The following EPC2 variants were observed in gnomAD, a reference collection of about 807,000 sequenced individuals.
The protein encoded by EPC2 is enhancer of polycomb 2, also known as enhancer of polycomb homolog 2.
A neutral mutation model predicts 92.1 loss-of-function variants in EPC2; 14 were observed. The ratio of observed to expected loss-of-function variants is 0.15; its 90% CI spans 0.10 to 0.24. The LOEUF (loss-of-function observed/expected upper bound fraction) is 0.24, where lower values mean the gene tolerates loss of function less well. Among genes scored for constraint, EPC2 ranks in the 10% least tolerant of loss-of-function variants. The pLI, the probability that EPC2 is intolerant of heterozygous loss-of-function variation, is 1.00. For synonymous variants in EPC2, 340 were observed against 334.7 expected (o/e 1.02, Z -0.17); for missense variants, 755 against 971.5 (o/e 0.78, Z 2.96).
chr2:148,655,179 A>G (rs936681993), intron 1 of EPC2, among the ~76,000 whole-genome samples: 2 of 152,192 alleles, frequency 1.3e-5, no homozygotes, highest in Admixed American at 1.3e-4. Context: ...TATTACATCT[A>G]TCTTCTGCCC....
intron 1 of EPC2, among the ~76,000 whole-genome samples, chr2:148,684,703 G>T (rs138506263): frequency 3.9e-4 from 59 of 152,278 alleles, no homozygotes; most frequent in African/African-American, 1.4e-3. Flanking sequence ...TACCATTTCA[G>T]TGAACCCCTA....
In EPC2 at chr2:148,757,330, C is replaced by T. The variant is rs190078539; in HGVS notation, c.666+3197C>T. Among the ~76,000 whole-genome samples, 165 of 152,140 alleles carry T rather than the reference C, an allele frequency of 1.1e-3. 1 individual carries two copies. Among genetic ancestry groups the T allele is most frequent in the African/African-American group, 3.8e-3 (157 of 41,504 alleles). On this transcript the variant is annotated intron_variant, in intron 4 of 13. Transcript: ENST00000258484. The stretch of plus-strand genomic sequence containing the variant: ...GGCGGAGGTTGCAGTGAGCCGAGAT[C>T]GCGCCACTGCACTCCAGCCTGGGTG...
chr2:148,762,166 G>T (rs1219918165), intron 5 of EPC2: 2 of 253,522 alleles, frequency 7.9e-6, no homozygotes, highest in Admixed American at 5.6e-5. Context: ...ACTTAATTTT[G>T]TTTTGGCAGA....
At chr2:148,731,813 A>T (rs979339822) in intron 2 of EPC2, among the ~76,000 whole-genome samples, 4 of 152,236 alleles carry the variant, frequency 2.6e-5, no homozygotes, top group African/African-American at 9.6e-5. Flanking sequence ...TGGAAAGCTT[A>T]AATGTATAAG....
chr2:148,741,390 T>C (rs1682876978), intron 2 of EPC2, among the ~76,000 whole-genome samples: 1 of 152,136 alleles, frequency 6.6e-6, no homozygotes, highest in Non-Finnish European at 1.5e-5. Context: ...TGGTAAAAAT[T>C]TCTTAAGCAA....
chr2:148,650,378 T>C (rs1680655827), intron 1 of EPC2, among the ~76,000 whole-genome samples: 1 of 152,182 alleles, frequency 6.6e-6, no homozygotes, highest in Non-Finnish European at 1.5e-5. Context: ...TATCTAAATA[T>C]TATATCCTCT....
intron 3 of EPC2, among the ~76,000 whole-genome samples, chr2:148,752,508 C>T (rs953877756): frequency 1.3e-5 from 2 of 152,158 alleles, no homozygotes; most frequent in South Asian, 2.1e-4. Flanking sequence ...TTTCCAGACT[C>T]TGGCTATCCA....
intron 1 of EPC2, among the ~76,000 whole-genome samples, chr2:148,654,039 C>G (rs979426998): frequency 6.6e-6 from 1 of 151,422 alleles, no homozygotes; most frequent in Non-Finnish European, 1.5e-5. Context: ...CCTCTGCCTC[C>G]CTGGTTCAAG....
At chr2:148,772,695 T>TAA (rs1683550440) in intron 10 of EPC2, among the ~76,000 whole-genome samples, 1 of 152,184 alleles carries the variant, frequency 6.6e-6, no homozygotes, top group South Asian at 2.1e-4. Flanking sequence ...TCCCATTATA[T>TAA]AAAGTTCATG....
At chr2:148,694,473 A>G (rs1172192350) in intron 2 of EPC2, among the ~76,000 whole-genome samples, 1 of 152,216 alleles carries the variant, frequency 6.6e-6, no homozygotes, top group Non-Finnish European at 1.5e-5. Flanking sequence ...CTAAGATAGT[A>G]AAACACTTCA....
chr2:148,742,828 T>C (rs993189582), intron 2 of EPC2, among the ~76,000 whole-genome samples: 1 of 151,810 alleles, frequency 6.6e-6, no homozygotes, highest in Non-Finnish European at 1.5e-5. Flanking sequence ...TATTCTCTAC[T>C]AAAATACCAA....
chr2:148,716,481 T>A (rs926105840), intron 2 of EPC2, among the ~76,000 whole-genome samples: 4 of 152,210 alleles, frequency 2.6e-5, no homozygotes, highest in African/African-American at 9.6e-5. Flanking sequence ...GTTGAGATAA[T>A]CATGTATTTT....
At chr2:148,689,006 A>G (rs1681587765) in intron 1 of EPC2, among the ~76,000 whole-genome samples, 1 of 152,056 alleles carries the variant, frequency 6.6e-6, no homozygotes, top group Non-Finnish European at 1.5e-5. Flanking sequence ...TTTAGATTAG[A>G]AAAAAAAGTC....
intron 2 of EPC2, among the ~76,000 whole-genome samples, chr2:148,723,506 G>C (rs562516822): frequency 6.6e-6 from 1 of 152,140 alleles, no homozygotes; most frequent in East Asian, 1.9e-4. Flanking sequence ...TTCTGTTCCC[G>C]TAAGTTGTGA....
intron 2 of EPC2, among the ~76,000 whole-genome samples, chr2:148,716,435 G>C (rs1193031591): frequency 6.6e-6 from 1 of 152,164 alleles, no homozygotes; most frequent in Non-Finnish European, 1.5e-5. Flanking sequence ...TAACATGAAG[G>C]GATGTTGAAT....
intron 1 of EPC2, among the ~76,000 whole-genome samples, chr2:148,674,475 CT>C (rs1259310463): frequency 6.6e-6 from 1 of 152,212 alleles, no homozygotes; most frequent in African/African-American, 2.4e-5. Flanking sequence ...GAACTGGACA[CT>C]TTTGCCTCAT....
intron 1 of EPC2, among the ~76,000 whole-genome samples, chr2:148,646,664 CATATT>C (rs1192236005): frequency 1.3e-5 from 2 of 150,888 alleles, no homozygotes; most frequent in East Asian, 3.9e-4. Flanking sequence ...AAAATAAAAT[CATATT>C]ATATACAATA....
At chr2:148,645,408 C>T (rs1169500114) in intron 1 of EPC2, 1 of 450,710 alleles carries the variant, frequency 2.2e-6, no homozygotes, top group Non-Finnish European at 4.0e-6. Context: ...GCTTACGCTG[C>T]CGTAAGGGGG....
rs892859528 is a variant in EPC2, at chr2:148,765,052, C to T, written c.1046C>T (p.Ser349Phe). ...KKPKAEALIT[S>F]QQPTPETLPV... Reference sequence around the variant, plus strand: ...CCTAAAGCAGAGGCTTTGATAACATCTCAGCAACCCACTCCTGAGACATTG... The same window carrying T: ...CCTAAAGCAGAGGCTTTGATAACATTTCAGCAACCCACTCCTGAGACATTG... The change falls in exon 7 of 14, where the codon TCT becomes TTT. Residue 349 changes from serine (S) to phenylalanine (F), a missense_variant. Around this residue, in one of 4 missense-constraint regions of EPC2, gnomAD observed 509 missense variants for 607.7 expected, o/e 0.84. Coordinates refer to ENST00000258484, the MANE Select transcript of EPC2 (RefSeq NM_015630.4). 2 of 1,610,054 alleles carry T rather than the reference C, an allele frequency of 1.2e-6. No homozygotes were observed. Among genetic ancestry groups the T allele is most frequent in the East Asian group, 2.2e-5 (1 of 44,672 alleles).
Sources: allele counts gnomAD v4.1 joint callset (sites outside exome capture counted in the v4.1 genomes callset), GRCh38; gene constraint gnomAD v4.1.1; regional missense constraint gnomAD v4.1.1; transcripts MANE v1.5; gene names NCBI Gene and HGNC (gene_info 2026-07-23, HGNC 2026-07-21).